Variants in NCAM1 observed in about 807,000 individuals in gnomAD.
The protein encoded by NCAM1 is antigen recognized by monoclonal antibody 5.1H11.
In NCAM1, 14 loss-of-function variants were observed where a neutral mutation model predicts 109.8. The observed-to-expected ratio is 0.13, with a 90% confidence interval of 0.08 to 0.20. The LOEUF (loss-of-function observed/expected upper bound fraction) is 0.20. NCAM1 is among the 10% of genes least tolerant of loss of function. The probability of loss-of-function intolerance (pLI) is 1.00; values close to 1 mark genes in which losing one functional copy is unlikely to be tolerated. For synonymous variants in NCAM1, 418 were observed against 442.9 expected (o/e 0.94, Z 0.70); for missense variants, 774 against 1,109.9 (o/e 0.70, Z 4.30).
chr11:113,085,356 A>G (rs2135714466), intron 1 of NCAM1, among the ~76,000 whole-genome samples: 1 of 152,306 alleles, frequency 6.6e-6, no homozygotes, highest in Admixed American at 6.5e-5. Flanking sequence ...CAGATGAGAC[A>G]TGGTTGGCCA....
chr11:113,058,040 T>C (rs1402104911), intron 1 of NCAM1, among the ~76,000 whole-genome samples: 1 of 152,136 alleles, frequency 6.6e-6, no homozygotes, highest in African/African-American at 2.4e-5. Context: ...ATTCCAGCAC[T>C]TTGGGAGGCC....
intron 1 of NCAM1, among the ~76,000 whole-genome samples, chr11:113,002,094 A>C (rs971307669): frequency 5.3e-5 from 8 of 152,186 alleles, no homozygotes. Context: ...TGAAACAATT[A>C]GTAAGCTGGG....
chr11:113,233,187 C>T lies in NCAM1; in HGVS notation c.1563C>T (p.Tyr521=). 1 of 1,613,816 alleles carries T rather than the reference C, an allele frequency of 6.2e-7. No individual in the cohort carries two copies. The highest frequency in any genetic ancestry group is 8.5e-7 in the Non-Finnish European group (1 of 1,179,882). Residue 521 remains tyrosine, a synonymous_variant, in exon 13 of 20, where the codon TAC becomes TAT. Transcript: ENST00000316851. This position sits in a 1 kb window ranked among gnomAD's most constrained non-coding sequence, Gnocchi z 4.5. ...CATCCATCGACCAGGTGGAGCCATA[C>T]TCCAGCACAGCCCAGGTGCAGTTTG... The part of the protein sequence containing the change: ...SSPSIDQVEP[Y]SSTAQVQFDE...
intron 14 of NCAM1, chr11:113,242,871 C>T: frequency 2.5e-6 from 4 of 1,613,904 alleles, no homozygotes; most frequent in Non-Finnish European, 3.4e-6. Flanking sequence ...GAGTTGCTCT[C>T]GGCCAGACCT....
intron 1 of NCAM1, among the ~76,000 whole-genome samples, chr11:112,985,582 C>G (rs1424988163): frequency 1.3e-5 from 2 of 151,690 alleles, no homozygotes; most frequent in African/African-American, 4.8e-5. Context: ...TCTTCAATTT[C>G]TTTCATCAAT....
In NCAM1 at chr11:113,237,519, G is replaced by A. The variant is rs571176636; in HGVS notation, c.1825+2355G>A. On this transcript the variant is annotated intron_variant, in intron 14 of 19. Coordinates refer to ENST00000316851, the MANE Select transcript of NCAM1 (RefSeq NM_181351.5). ...CAGAGTTGGGGGATGGAGCCTTCAG[G>A]CCGGACTGACAGGTACCTGCTCTGG... 2.0e-5 allele frequency among the ~76,000 whole-genome samples: 3 copies of A among 152,320 alleles called. No homozygotes were observed. The South Asian group carries it at 6.2e-4, about 32-fold the overall frequency.
chr11:113,259,790 A>G (rs1555122939), intron 16 of NCAM1, among the ~76,000 whole-genome samples: 3 of 132,690 alleles, frequency 2.3e-5, no homozygotes, highest in Non-Finnish European at 4.6e-5. Context: ...TGCAACCTCC[A>G]CCTCCTGGGT....
intron 1 of NCAM1, among the ~76,000 whole-genome samples, chr11:113,142,142 C>G (rs1018986897): frequency 6.6e-5 from 10 of 152,160 alleles, no homozygotes; most frequent in Non-Finnish European, 1.3e-4. Context: ...AGGCTTAGTA[C>G]TAGGCTCTTT....
At chr11:113,072,596 G>A (rs782529002) in intron 1 of NCAM1, among the ~76,000 whole-genome samples, 9 of 152,112 alleles carry the variant, frequency 5.9e-5, no homozygotes, top group East Asian at 1.9e-4. Context: ...GAGGGTTAAC[G>A]TTTTGGGACC....
intron 15 of NCAM1, among the ~76,000 whole-genome samples, chr11:113,252,461 A>C (rs1945711032): frequency 6.6e-6 from 1 of 151,498 alleles, no homozygotes; most frequent in African/African-American, 2.4e-5. Flanking sequence ...CAAGAACCTC[A>C]TCATCTTTTA....
rs797035837 is a variant in NCAM1, at chr11:113,145,461, C to A, written c.53-56918C>A. Among the ~76,000 whole-genome samples the A allele has an allele frequency of 5.9e-5, 9 of 152,144 alleles. No homozygotes were observed. In the South Asian group the frequency reaches 1.9e-3, roughly 32 times the overall value. The stretch of plus-strand genomic sequence containing the variant: ...CAAAAGGAAAAATCAGAATCTCCCA[C>A]TCAATCTTTCATCTTAGAAACTTTA... On this transcript the variant is annotated intron_variant, in intron 1 of 19. Transcript: ENST00000316851.
At chr11:113,156,449 G>C (rs1229985123) in intron 1 of NCAM1, among the ~76,000 whole-genome samples, 2 of 152,148 alleles carry the variant, frequency 1.3e-5, no homozygotes, top group African/African-American at 4.8e-5. Flanking sequence ...TGACACACTA[G>C]AGCAGAGGAA....
intron 9 of NCAM1, among the ~76,000 whole-genome samples, chr11:113,224,267 G>A (rs1409035099): frequency 6.6e-6 from 1 of 152,212 alleles, no homozygotes; most frequent in African/African-American, 2.4e-5. Flanking sequence ...CTTAGCAAAC[G>A]GCACACCAGG....
chr11:113,113,774 A>AT (rs1170595846), intron 1 of NCAM1, among the ~76,000 whole-genome samples: 1 of 152,238 alleles, frequency 6.6e-6, no homozygotes, highest in Non-Finnish European at 1.5e-5. Flanking sequence ...TTTTAAAAAA[A>AT]AAAAAATCTT....
chr11:113,108,903 G>A (rs1249297787), intron 1 of NCAM1, among the ~76,000 whole-genome samples: 1 of 151,056 alleles, frequency 6.6e-6, no homozygotes, highest in East Asian at 2.0e-4. Context: ...AGCCTCCCAA[G>A]TAGCTGGTAT....
At chr11:113,172,171 C>A (rs950930013) in intron 1 of NCAM1, among the ~76,000 whole-genome samples, 1 of 152,166 alleles carries the variant, frequency 6.6e-6, no homozygotes, top group East Asian at 1.9e-4. Context: ...TTCAGCCAGC[C>A]CTAGAAAACT....
chr11:113,129,996 TA>T (rs1236353326), intron 1 of NCAM1, among the ~76,000 whole-genome samples: 1 of 152,204 alleles, frequency 6.6e-6, no homozygotes, highest in African/African-American at 2.4e-5. Flanking sequence ...TAACAGCACT[TA>T]TGGCCCTCTG....
intron 1 of NCAM1, among the ~76,000 whole-genome samples, chr11:112,995,267 C>G (rs1951563858): frequency 6.6e-6 from 1 of 152,068 alleles, no homozygotes; most frequent in Admixed American, 6.5e-5. Flanking sequence ...GATACACATC[C>G]ACCTTACTTT....
chr11:113,226,269 G>A (rs1352850968), intron 9 of NCAM1, among the ~76,000 whole-genome samples: 1 of 152,146 alleles, frequency 6.6e-6, no homozygotes, highest in African/African-American at 2.4e-5. Flanking sequence ...AAACAAGGCA[G>A]GGGTTGCAAC....
Sources: allele counts gnomAD v4.1 joint callset (sites outside exome capture counted in the v4.1 genomes callset), GRCh38; gene constraint gnomAD v4.1.1; non-coding constraint Gnocchi (gnomAD v3.1); transcripts MANE v1.5; gene names NCBI Gene and HGNC (gene_info 2026-07-23, HGNC 2026-07-21).